Variants in DNAJB13 observed in about 807,000 individuals in gnomAD.
DNAJB13 encodes the protein dnaJ homolog subfamily B member 13.
Under a neutral mutation model 35.6 loss-of-function variants are expected in DNAJB13, and 22 were observed. That is an observed-to-expected ratio of 0.62 (90% CI 0.44 to 0.88). The LOEUF is 0.88. Ranked by LOEUF, DNAJB13 falls within the 40% of genes least tolerant of loss-of-function variation. The pLI, the probability that DNAJB13 is intolerant of heterozygous loss-of-function variation, is 0.00. For missense variants in DNAJB13, 370 were observed against 384.3 expected (o/e 0.96, Z 0.31); for synonymous variants, 136 against 144.2 (o/e 0.94, Z 0.41).
chr11:73,966,077 A>C, intron 4 of DNAJB13, 61 bp from the exon 5 acceptor site: 1 of 1,477,024 alleles, frequency 6.8e-7, no homozygotes, highest in South Asian at 1.2e-5. Flanking sequence ...ATCTGAGCAA[A>C]TCTCGACTGT....
intron 5 of DNAJB13, among the ~76,000 whole-genome samples, chr11:73,967,779 A>G (rs1465275998): frequency 6.6e-6 from 1 of 152,094 alleles, no homozygotes; most frequent in Non-Finnish European, 1.5e-5. Flanking sequence ...CAAATAAAAC[A>G]TCTACTTCGA....
Position 73,957,066 on chromosome 11 carries a change from A to T in DNAJB13, c.69-1251A>T, listed in dbSNP as rs540496324. On this transcript the variant is annotated intron_variant, in intron 1 of 7. Coordinates refer to ENST00000339764, the MANE Select transcript of DNAJB13 (RefSeq NM_153614.4). ...TGGGGGGTCACGCCTGGGCTGAATG[A>T]CAGGCGTCTGTGCTGGATGCTTCCC... Among the ~76,000 whole-genome samples the T allele has an allele frequency of 2.6e-5, 4 of 152,264 alleles. No homozygotes were observed. The East Asian group carries it at 7.7e-4, about 29-fold the overall frequency.
At chr11:73,961,496 T>C (rs1950930648) in intron 3 of DNAJB13, among the ~76,000 whole-genome samples, 1 of 152,154 alleles carries the variant, frequency 6.6e-6, no homozygotes, top group African/African-American at 2.4e-5. Context: ...CTGCCTCACT[T>C]GCCTCTGACA....
intron 3 of DNAJB13, among the ~76,000 whole-genome samples, chr11:73,960,514 G>A (rs1950903338): frequency 6.6e-6 from 1 of 152,088 alleles, no homozygotes; most frequent in Admixed American, 6.6e-5. Context: ...TAGAGACAGG[G>A]TTTCGCCATG....
intron 3 of DNAJB13, 63 bp from the exon 4 acceptor site, chr11:73,964,815 G>GCGCGCGCACC (rs1554992102): frequency 1.6e-5 from 16 of 976,798 alleles, no homozygotes; most frequent in African/African-American, 3.9e-5. Flanking sequence ...GTGTGTGTGC[G>GCGCGCGCACC]CGCGCGCGCA....
chr11:73,968,352 A>T lies in DNAJB13; in HGVS notation c.614A>T (p.Asn205Ile). Residue 205 changes from asparagine (N) to isoleucine (I), a missense_variant, in exon 6 of 8, where the codon AAC (asparagine) becomes ATC (isoleucine). Coordinates refer to ENST00000339764, the MANE Select transcript of DNAJB13 (RefSeq NM_153614.4). ...TFEKEGDQGP[N>I]IIPADIIFIV... ...TTGGCGTCCCCTGCCCAGGGCCCCA[A>T]CATCATCCCAGCAGACATCATTTTC... 6.2e-7 allele frequency: 1 copy of T among 1,614,158 alleles called. No homozygotes were observed. Among genetic ancestry groups the T allele is most frequent in the Non-Finnish European group, 8.5e-7 (1 of 1,180,020 alleles).
At chr11:73,951,877 C>T (rs1225982919) in intron 1 of DNAJB13, among the ~76,000 whole-genome samples, 1 of 152,146 alleles carries the variant, frequency 6.6e-6, no homozygotes, top group African/African-American at 2.4e-5. Flanking sequence ...AATTCCCGAC[C>T]TCTGGTGATC....
At chr11:73,962,283 C>T (rs960601376) in intron 3 of DNAJB13, among the ~76,000 whole-genome samples, 5 of 152,216 alleles carry the variant, frequency 3.3e-5, no homozygotes, top group African/African-American at 9.6e-5. Flanking sequence ...TTGATCTCAG[C>T]GTAGCCAAAT....
At chr11:73,953,635 A>C (rs1270382862) in intron 1 of DNAJB13, among the ~76,000 whole-genome samples, 3 of 152,158 alleles carry the variant, frequency 2.0e-5, no homozygotes, top group African/African-American at 7.2e-5. Flanking sequence ...CGGTTTCTAA[A>C]TTATGAGTTG....
Position 73,960,546 on chromosome 11 carries a change from T to C in DNAJB13, c.334+891T>C, listed in dbSNP as rs374260348. Among the ~76,000 whole-genome samples, 6 of 152,262 alleles carry C rather than the reference T, an allele frequency of 3.9e-5. No homozygotes were observed. In the East Asian group the frequency reaches 1.2e-3, roughly 29 times the overall value. ...CATGTTGGCCAGGCTGGTCTTGAACTCCTGACCTCAGGTGATCTGCCCACC... is the reference window on the plus strand; with the variant it reads ...CATGTTGGCCAGGCTGGTCTTGAACCCCTGACCTCAGGTGATCTGCCCACC... On this transcript the variant is annotated intron_variant, in intron 3 of 7. Coordinates refer to ENST00000339764, the MANE Select transcript of DNAJB13 (RefSeq NM_153614.4).
At position 73,964,877 on chromosome 11, in the gene DNAJB13, G is replaced by A; in HGVS notation, c.335-1G>A. On this transcript the variant is annotated splice_acceptor_variant, in intron 3 of 7. Coordinates refer to ENST00000339764, the MANE Select transcript of DNAJB13 (RefSeq NM_153614.4). LOFTEE classifies it high-confidence loss of function. ...CTTACTCCTCTCCCTACCTCCTGCA[G>A]AGTTTTTTGATGCAGAAGGAAGTGA... 2 of 1,611,830 alleles carry A rather than the reference G, an allele frequency of 1.2e-6. No individual in the cohort carries two copies. Among genetic ancestry groups the A allele is most frequent in the Non-Finnish European group, 8.5e-7 (1 of 1,179,364 alleles).
intron 3 of DNAJB13, among the ~76,000 whole-genome samples, chr11:73,961,490 C>T (rs1176676513): frequency 6.6e-6 from 1 of 152,144 alleles, no homozygotes; most frequent in Non-Finnish European, 1.5e-5. Context: ...CAACTGCTGC[C>T]TCACTTGCCT....
chr11:73,965,339 G>A (rs970188275), intron 4 of DNAJB13: 17 of 237,098 alleles, frequency 7.2e-5, no homozygotes, highest in South Asian at 2.7e-4. Context: ...GGCTCTGAAT[G>A]GGAGGAGTCT....
intron 3 of DNAJB13, among the ~76,000 whole-genome samples, chr11:73,960,620 C>T (rs1950907467): frequency 6.6e-6 from 1 of 151,956 alleles, no homozygotes; most frequent in East Asian, 1.9e-4. Context: ...CCGTGTCTGG[C>T]CGAGCCCTCC....
intron 1 of DNAJB13, among the ~76,000 whole-genome samples, chr11:73,952,490 G>C (rs1433969486): frequency 6.6e-6 from 1 of 152,214 alleles, no homozygotes; most frequent in Non-Finnish European, 1.5e-5. Flanking sequence ...GCCTCCCAGA[G>C]TTGCCAGTCA....
chr11:73,959,770 TA>T, intron 3 of DNAJB13, 115 bp downstream of exon 3: 1 of 1,107,770 alleles, frequency 9.0e-7, no homozygotes, highest in Non-Finnish European at 1.2e-6. Flanking sequence ...TTTATTTACT[TA>T]TTTTTTTTGG....
At chr11:73,957,595 C>T (rs1410445906) in intron 1 of DNAJB13, among the ~76,000 whole-genome samples, 1 of 152,098 alleles carries the variant, frequency 6.6e-6, no homozygotes, top group Non-Finnish European at 1.5e-5. Flanking sequence ...CTTTAACCAC[C>T]CGTTGAAGTC....
chr11:73,968,658 G>C (rs1431608881), intron 6 of DNAJB13, among the ~76,000 whole-genome samples, 200 bp downstream of exon 6: 1 of 152,176 alleles, frequency 6.6e-6, no homozygotes, highest in Admixed American at 6.5e-5. Context: ...CTGCGCAGCA[G>C]GCCTTCCTCC....
chr11:73,959,625 G>A lies in DNAJB13; in HGVS notation c.304G>A (p.Glu102Lys). The change falls in exon 3 of 8, where the codon GAG (glutamate) becomes AAG (lysine). Residue 102 changes from glutamate (E) to lysine (K), a missense_variant. Physicochemically the swap from Glu to Lys is moderately conservative, Grantham distance 56. Transcript: ENST00000339764. ...FHGKPEKVFH[E>K]FFGGNNPFSE... is the part of the protein sequence containing the mutation. ...TGGCAAACCTGAAAAGGTGTTCCACGAGTTCTTTGGTGGAAACAACCCCTT... is the reference window on the plus strand; with the variant it reads ...TGGCAAACCTGAAAAGGTGTTCCACAAGTTCTTTGGTGGAAACAACCCCTT... 4 of 1,614,144 alleles carry A rather than the reference G, an allele frequency of 2.5e-6. No individual in the cohort carries two copies. The highest frequency in any genetic ancestry group is 4.5e-5 in the East Asian group (2 of 44,886).
Sources: gnomAD v4.1 joint callset for allele counts (sites outside exome capture counted in the v4.1 genomes callset) on GRCh38, gnomAD v4.1.1 for gene constraint, MANE v1.5 for transcripts, NCBI Gene and HGNC (gene_info 2026-07-23, HGNC 2026-07-21) for gene names.